IDE: variants seen among roughly 807,000 people sequenced by gnomAD.
IDE encodes the protein insulin-degrading enzyme.
A neutral mutation model predicts 133.2 loss-of-function variants in IDE; 58 were observed. The observed-to-expected ratio is 0.44, with a 90% CI of 0.35 to 0.54. IDE has a LOEUF of 0.54. IDE is among the 20% of genes least tolerant of loss of function. IDE has a pLI of 0.00. For synonymous variants in IDE, 396 were observed against 421.3 expected (o/e 0.94, Z 0.73); for missense variants, 981 against 1,234.0 (o/e 0.79, Z 3.07).
chr10:92,510,786 C>CAT (rs1554841889), intron 5 of IDE, among the ~76,000 whole-genome samples: 2 of 38,394 alleles, frequency 5.2e-5, no homozygotes, highest in African/African-American at 3.1e-4. Context: ...ACATACATCT[C>CAT]ACATGATATA....
At chr10:92,455,697 G>GAAAA in intron 23 of IDE, 54 bp from the exon 24 acceptor site, 1 of 813,002 alleles carries the variant, frequency 1.2e-6, no homozygotes, top group South Asian at 2.1e-5. Flanking sequence ...TATCACAAAA[G>GAAAA]AACAAAAAAA....
chr10:92,536,795 T>A (rs1472583549), intron 2 of IDE, among the ~76,000 whole-genome samples: 2 of 151,758 alleles, frequency 1.3e-5, no homozygotes, highest in Non-Finnish European at 2.9e-5. Context: ...ATCCCAGCAC[T>A]TTGGGAGGCC....
intron 6 of IDE, among the ~76,000 whole-genome samples, chr10:92,509,235 T>C (rs1257087002): frequency 2.0e-5 from 3 of 152,234 alleles, no homozygotes; most frequent in Non-Finnish European, 4.4e-5. Context: ...CATATTGATA[T>C]GTTTTTGGTG....
intron 24 of IDE, among the ~76,000 whole-genome samples, chr10:92,454,833 G>A (rs970048283): frequency 6.6e-6 from 1 of 152,066 alleles, no homozygotes; most frequent in Non-Finnish European, 1.5e-5. Flanking sequence ...AGGACTTAGA[G>A]GCTTCGCATC....
chr10:92,484,446 T>C (rs35120790), intron 13 of IDE, among the ~76,000 whole-genome samples: 33,024 of 151,106 alleles, frequency 0.22, 3,953 homozygotes, highest in Non-Finnish European at 0.26. Flanking sequence ...AGAAACTGTG[T>C]GTGAGATACG....
At chr10:92,554,300 T>A (rs990715573) in intron 1 of IDE, among the ~76,000 whole-genome samples, 1 of 152,140 alleles carries the variant, frequency 6.6e-6, no homozygotes, top group Non-Finnish European at 1.5e-5. Context: ...ATGCCTGTCA[T>A]CCCAGCATTT....
At chr10:92,494,370 G>GTTT (rs552537353) in intron 11 of IDE, among the ~76,000 whole-genome samples, 9 of 138,448 alleles carry the variant, frequency 6.5e-5, no homozygotes, top group Non-Finnish European at 1.1e-4. Context: ...GCCCAGCCCA[G>GTTT]TTTTTTTTTT....
rs1463948413 is a variant in IDE at position 92,451,894 on chromosome 10, G to T, written c.*2550C>A. 6.6e-6 allele frequency: 1 copy of T among 152,222 alleles called. No individual in the cohort carries two copies. The highest frequency in any genetic ancestry group is 2.4e-5 in the African/African-American group (1 of 41,462). 9.4% of individuals were successfully genotyped at this position (152,222 alleles called of 1,614,324 possible). On this transcript the variant is annotated 3_prime_UTR_variant, in exon 25 of 25. Coordinates refer to ENST00000265986, the MANE Select transcript of IDE (RefSeq NM_004969.4). ...ATGTAAGGACTCATTGTAGAGGAGA[G>T]AAATATTTTTTCTATCCTTTTTATT... is the stretch of plus-strand genomic sequence containing the variant.
At position 92,462,923 on chromosome 10, in the gene IDE, G is replaced by A. The variant is rs116000897; in HGVS notation, c.2761+808C>T. Among the ~76,000 whole-genome samples the A allele has an allele frequency of 5.8e-3, 883 of 152,214 alleles. 10 individuals carry two copies. Among genetic ancestry groups the A allele is most frequent in the African/African-American group, 0.02 (844 of 41,536 alleles). ...TAGATAAATTATAAGTAGGCTGGAC[G>A]TGGTGGCTCACGCCTGTAATCCCAG... On this transcript the variant is annotated intron_variant, in intron 21 of 24. Coordinates refer to ENST00000265986, the MANE Select transcript of IDE (RefSeq NM_004969.4).
chr10:92,513,280 C>T (rs1848721137), intron 5 of IDE, among the ~76,000 whole-genome samples: 1 of 152,130 alleles, frequency 6.6e-6, no homozygotes, highest in African/African-American at 2.4e-5. Context: ...GCAGCCTCCA[C>T]CCCCCAGGTT....
chr10:92,523,701 TAAA>T (rs74263178), intron 4 of IDE, among the ~76,000 whole-genome samples: 18 of 117,110 alleles, frequency 1.5e-4, no homozygotes, highest in Non-Finnish European at 2.4e-4. Flanking sequence ...GACTCAGTCT[TAAA>T]AAAAAAAAAA....
intron 16 of IDE, among the ~76,000 whole-genome samples, chr10:92,475,533 A>C (rs1056870478): frequency 6.6e-6 from 1 of 152,134 alleles, no homozygotes; most frequent in African/African-American, 2.4e-5. Flanking sequence ...GGTAAAGCAG[A>C]CCTCAGTCTG....
chr10:92,564,671 C>CAAAAAAAAAAAAAAAAA (rs532861372), intron 1 of IDE, among the ~76,000 whole-genome samples: 2 of 31,562 alleles, frequency 6.3e-5, no homozygotes, highest in Non-Finnish European at 1.2e-4. Context: ...GAGACTGTCT[C>CAAAAAAAAAAAAAAAAA]AAAAAAAAAA....
At chr10:92,456,535 T>C in intron 22 of IDE, 104 bp from the exon 23 acceptor site, 2 of 832,840 alleles carry the variant, frequency 2.4e-6, no homozygotes, top group South Asian at 1.4e-5. Context: ...CAGTCAGATA[T>C]AGAAAAGATG....
chr10:92,486,722 A>C (rs1488851818), intron 13 of IDE, among the ~76,000 whole-genome samples: 2 of 152,222 alleles, frequency 1.3e-5, no homozygotes, highest in African/African-American at 4.8e-5. Context: ...AGCCCTTTGC[A>C]CTAGTTTATC....
chr10:92,538,429 C>G (rs1168608480), intron 1 of IDE, among the ~76,000 whole-genome samples: 1 of 152,200 alleles, frequency 6.6e-6, no homozygotes, highest in African/African-American at 2.4e-5. Context: ...CGGTGCTGTC[C>G]TATGACGGCA....
chr10:92,537,307 A>C, intron 2 of IDE, 59 bp downstream of exon 2: 1 of 1,338,202 alleles, frequency 7.5e-7, no homozygotes, highest in Non-Finnish European at 1.0e-6. Context: ...AGTTCTAATA[A>C]ATGTCAGCAT....
intron 11 of IDE, among the ~76,000 whole-genome samples, chr10:92,500,819 A>C (rs1847965690): frequency 6.6e-6 from 1 of 151,388 alleles, no homozygotes; most frequent in Non-Finnish European, 1.5e-5. Flanking sequence ...TAAATTTTGG[A>C]ACCAATTTCT....
At chr10:92,550,867 T>C (rs1223989651) in intron 1 of IDE, among the ~76,000 whole-genome samples, 2 of 152,020 alleles carry the variant, frequency 1.3e-5, no homozygotes, top group Non-Finnish European at 2.9e-5. Flanking sequence ...AGACTCGGTC[T>C]CAAAAAATAA....
Sources: allele counts gnomAD v4.1 joint callset (sites outside exome capture counted in the v4.1 genomes callset), GRCh38; gene constraint gnomAD v4.1.1; transcripts MANE v1.5; gene names NCBI Gene and HGNC (gene_info 2026-07-23, HGNC 2026-07-21).